Variants in LYZL1 observed in about 807,000 individuals in gnomAD.
LYZL1 encodes lysozyme-like protein 1.
In LYZL1, 16 loss-of-function variants were observed where a neutral mutation model predicts 17.9. The ratio of observed to expected loss-of-function variants is 0.90; its 90% CI spans 0.61 to 1.36. The LOEUF (loss-of-function observed/expected upper bound fraction) is 1.36, where lower values mean the gene tolerates loss of function less well. Ranked by LOEUF, LYZL1 falls within the 40% of genes most tolerant of loss-of-function variation. LYZL1 has a pLI of 0.00. For synonymous variants in LYZL1, 58 were observed against 71.8 expected, an observed-to-expected ratio of 0.81 and a Z score of 0.97; for missense variants, 149 against 188.4, an observed-to-expected ratio of 0.79 and a Z score of 1.22.
At chr10:29,316,780 G>A (rs949124760) in intron 3 of LYZL1, among the ~76,000 whole-genome samples, 3 of 144,904 alleles carry the variant, frequency 2.1e-5, no homozygotes, top group African/African-American at 7.7e-5. Context: ...GCAGTGGCGT[G>A]ATCTTGGCTC....
Position 29,310,195 on chromosome 10 carries a change from G to A in LYZL1, c.377+7G>A. 1 of 1,594,712 alleles carries A rather than the reference G, an allele frequency of 6.3e-7. No homozygotes were observed. The highest frequency in any genetic ancestry group is 1.1e-5 in the South Asian group (1 of 90,282). On this transcript the variant is annotated splice_region_variant and intron_variant, in intron 4 of 4. Coordinates refer to ENST00000649382, the MANE Select transcript of LYZL1 (RefSeq NM_032517.6). The stretch of plus-strand genomic sequence containing the variant: ...CACAAGGAATGAACTATTGGTAAGA[G>A]TGTTTTCTTGGGAGACTTGTGCTGT...
intron 3 of LYZL1, among the ~76,000 whole-genome samples, chr10:29,308,411 T>C (rs1274811942): frequency 6.6e-6 from 1 of 152,236 alleles, no homozygotes; most frequent in African/African-American, 2.4e-5. Flanking sequence ...CGTCTGCCCA[T>C]CCTGCTTCCT....
rs200823224 is a variant in LYZL1 at position 29,299,134 on chromosome 10, A to T, written c.298+6457A>T. On this transcript the variant is annotated intron_variant, in intron 3 of 4. Transcript: ENST00000649382. Reference sequence around the variant, plus strand: ...GGGTTCGCACTCCTATGAGAATCTAATGCTGCCACTGATCCAACAGGAGGT... The same window carrying T: ...GGGTTCGCACTCCTATGAGAATCTATTGCTGCCACTGATCCAACAGGAGGT... Among the ~76,000 whole-genome samples the T allele has an allele frequency of 2.6e-5, 4 of 152,288 alleles. No homozygotes were observed. In the East Asian group the frequency reaches 7.7e-4, roughly 29 times the overall value.
chr10:29,313,099 C>A (rs1472479989), downstream of LYZL1, among the ~76,000 whole-genome samples: 3 of 152,108 alleles, frequency 2.0e-5, no homozygotes, highest in Non-Finnish European at 2.9e-5. Context: ...AACGCCTAAC[C>A]GCTACTTGCC....
chr10:29,306,826 G>C (rs1835602034), intron 3 of LYZL1, among the ~76,000 whole-genome samples: 1 of 138,970 alleles, frequency 7.2e-6, no homozygotes, highest in Non-Finnish European at 1.5e-5. Context: ...GTGTGTGTGT[G>C]TGTGAAAGAG....
intron 3 of LYZL1, among the ~76,000 whole-genome samples, chr10:29,298,115 A>G (rs1835469951): frequency 6.6e-6 from 1 of 152,214 alleles, no homozygotes; most frequent in Non-Finnish European, 1.5e-5. Context: ...TAATTGGAGG[A>G]GAATATTAAT....
At chr10:29,293,134 C>CTTTTTTTTT (rs11453474) in intron 3 of LYZL1, among the ~76,000 whole-genome samples, 6 of 121,044 alleles carry the variant, frequency 5.0e-5, no homozygotes, top group South Asian at 2.7e-4. Flanking sequence ...TTTCTTTTTT[C>CTTTTTTTTT]TTTTTTTTTT....
At chr10:29,297,328 C>T (rs1004124063) in intron 3 of LYZL1, among the ~76,000 whole-genome samples, 5 of 152,090 alleles carry the variant, frequency 3.3e-5, no homozygotes, top group African/African-American at 1.2e-4. Context: ...ATAGATAGCA[C>T]ACAACCTTTA....
chr10:29,295,779 G>A (rs1021423077), intron 3 of LYZL1, among the ~76,000 whole-genome samples: 3 of 152,152 alleles, frequency 2.0e-5, no homozygotes, highest in African/African-American at 4.8e-5. Context: ...AGTGTGAGAG[G>A]GACTTCACCC....
Position 29,310,152 on chromosome 10 carries a change from G to A in LYZL1, c.341G>A (p.Arg114Lys), listed in dbSNP as rs11539394. Residue 114 changes from arginine (R) to lysine (K), a missense_variant, in exon 4 of 5, where the codon AGG becomes AAG. Arg to Lys is a conservative substitution (Grantham distance 26). Transcript: ENST00000649382. ...CTCACAGATGCAATTATCTGTGCCA[G>A]GAAAATTGTTAAAGAGACACAAGGA... ...DDLTDAIICA[R>K]KIVKETQGMN... is the part of the protein sequence containing the mutation. 1 of 1,612,520 alleles carries A rather than the reference G, an allele frequency of 6.2e-7. No individual in the cohort carries two copies. Among genetic ancestry groups the A allele is most frequent in the South Asian group, 1.1e-5 (1 of 91,002 alleles).
At chr10:29,314,151 C>A (rs1299123367), downstream of LYZL1, among the ~76,000 whole-genome samples, 2 of 152,176 alleles carry the variant, frequency 1.3e-5, no homozygotes, top group African/African-American at 4.8e-5. Context: ...CCTATTCAAG[C>A]CTGGCCCAGC....
chr10:29,296,506 C>T (rs182034902), intron 3 of LYZL1, among the ~76,000 whole-genome samples: 16 of 152,270 alleles, frequency 1.1e-4, no homozygotes, highest in African/African-American at 3.6e-4. Flanking sequence ...CTACTGACTG[C>T]CCCTCACTCA....
chr10:29,311,488 C>T (rs1304379138), downstream of LYZL1, among the ~76,000 whole-genome samples: 1 of 152,032 alleles, frequency 6.6e-6, no homozygotes, highest in African/African-American at 2.4e-5. Flanking sequence ...TAAGAGTACC[C>T]CAGAAGGACC....
At chr10:29,317,916 A>G (rs1835749387) in intron 4 of LYZL1, among the ~76,000 whole-genome samples, 1 of 151,366 alleles carries the variant, frequency 6.6e-6, no homozygotes, top group Admixed American at 6.6e-5. Flanking sequence ...CGCACTCCAG[A>G]CTGGGAAACA....
chr10:29,291,051 C>T (rs1835357295), intron 1 of LYZL1, among the ~76,000 whole-genome samples: 1 of 152,080 alleles, frequency 6.6e-6, no homozygotes, highest in Non-Finnish European at 1.5e-5. Flanking sequence ...TCCAGTTGAT[C>T]CTTGAACAAA....
rs1435457189 is a variant in LYZL1 at position 29,303,313 on chromosome 10, G to A, written c.299-6797G>A. Among the ~76,000 whole-genome samples, 7 of 152,054 alleles carry A rather than the reference G, an allele frequency of 4.6e-5. No homozygotes were observed. The South Asian group carries it at 1.5e-3, about 32-fold the overall frequency. ...TCCCCTGCCTGGTTCTACCTTCCTG[G>A]TCTGCAGAGCTCCTCTGGGCAGAAA... On this transcript the variant is annotated intron_variant, in intron 3 of 4. Transcript: ENST00000649382.
chr10:29,289,486 A>G (rs1021476831), intron 1 of LYZL1, among the ~76,000 whole-genome samples: 1 of 143,672 alleles, frequency 7.0e-6, no homozygotes, highest in Non-Finnish European at 1.5e-5. Flanking sequence ...TGTCACAATC[A>G]TGGCTCACTA....
At chr10:29,291,811 A>T in intron 1 of LYZL1, 32 bp from the exon 2 acceptor site, 8 of 1,532,024 alleles carry the variant, frequency 5.2e-6, no homozygotes, top group Non-Finnish European at 7.1e-6. Flanking sequence ...CTGAACCAAG[A>T]TCGTCTGACC....
At chr10:29,295,350 A>G (rs1338076826) in intron 3 of LYZL1, among the ~76,000 whole-genome samples, 2 of 152,236 alleles carry the variant, frequency 1.3e-5, no homozygotes, top group African/African-American at 2.4e-5. Context: ...ATTTATAAGT[A>G]CCTCTCATCT....
Sources: gnomAD v4.1 joint callset for allele counts (sites outside exome capture counted in the v4.1 genomes callset) on GRCh38, gnomAD v4.1.1 for gene constraint, MANE v1.5 for transcripts, NCBI Gene and HGNC (gene_info 2026-07-23, HGNC 2026-07-21) for gene names.